CFAP92: variants seen among roughly 807,000 people sequenced by gnomAD.
CFAP92 encodes cilia and flagella associated protein 92 (putative).
CFAP92 carries 86 observed loss-of-function variants against 106.3 expected under a neutral mutation model. The ratio of observed to expected loss-of-function variants is 0.81; its 90% confidence interval spans 0.68 to 0.97. The LOEUF (loss-of-function observed/expected upper bound fraction) is 0.97, where lower values mean the gene tolerates loss of function less well. Among genes scored for constraint, CFAP92 ranks in the 50% least tolerant of loss-of-function variants. The pLI is 0.00. For synonymous variants in CFAP92, 477 were observed against 506.4 expected (o/e 0.94, Z 0.78); for missense variants, 1,204 against 1,283.8 (o/e 0.94, Z 0.95).
intron 8 of CFAP92, chr3:128,968,188 G>A (rs1942523890): frequency 6.6e-6 from 1 of 152,216 alleles, no homozygotes; most frequent in Non-Finnish European, 1.5e-5. Context: ...AGGTCTCTTA[G>A]AAAATACGTT....
upstream of CFAP92, among the ~76,000 whole-genome samples, chr3:129,004,918 C>A (rs945568497): frequency 1.3e-5 from 2 of 152,178 alleles, no homozygotes. Flanking sequence ...CCACCCCTCA[C>A]AGACCCTGCT....
intron 10 of CFAP92, among the ~76,000 whole-genome samples, chr3:128,942,752 G>A (rs1939772237): frequency 6.7e-6 from 1 of 149,434 alleles, no homozygotes; most frequent in Admixed American, 6.7e-5. Flanking sequence ...TCGGCTCACT[G>A]CAACCTCCGC....
rs553356751 is a variant in CFAP92, at chr3:128,945,612, G to A, written c.1717C>T (p.Leu573Phe). 4.2e-5 allele frequency: 65 copies of A among 1,536,118 alleles called. No individual in the cohort carries two copies. The East Asian group carries it at 1.5e-3, about 36-fold the overall frequency. ...YGIAQVSFAD[L>F]LLGHKYLNLA... ...TTCAAGTACTTGTGGCCAAGGAGGA[G>A]GTCAGCAAAACTGACCTGGGCGATG... Residue 573 changes from leucine to phenylalanine, a missense_variant, in exon 10 of 16, where the codon CTC (leucine) becomes TTC (phenylalanine). Leu to Phe is a conservative substitution (Grantham distance 22). Coordinates refer to ENST00000645291, the MANE Select transcript of CFAP92 (RefSeq NM_001394090.1).
intron 7 of CFAP92, among the ~76,000 whole-genome samples, chr3:128,972,232 A>G (rs1282214298): frequency 6.6e-6 from 1 of 151,990 alleles, no homozygotes; most frequent in Non-Finnish European, 1.5e-5. Context: ...TGACATCTGG[A>G]TGAAGGATTT....
At chr3:129,001,766 C>A in intron 1 of CFAP92, 1 of 1,542,592 alleles carries the variant, frequency 6.5e-7, no homozygotes, top group Non-Finnish European at 8.7e-7. Context: ...GCGTGGAGAA[C>A]GAGATCGTGG....
chr3:129,004,420 C>T (rs1944975296), upstream of CFAP92, among the ~76,000 whole-genome samples: 1 of 134,452 alleles, frequency 7.4e-6, no homozygotes, highest in South Asian at 2.7e-4. Context: ...CTCACCCATT[C>T]ATCCATCCAC....
At chr3:128,968,330 C>T (rs1480104678) in intron 8 of CFAP92, 2 of 152,146 alleles carry the variant, frequency 1.3e-5, no homozygotes, top group South Asian at 2.1e-4. Flanking sequence ...TACTAGCCAA[C>T]CAATATTTAC....
intron 10 of CFAP92, among the ~76,000 whole-genome samples, chr3:128,935,839 T>C (rs947142597): frequency 2.0e-5 from 3 of 152,058 alleles, no homozygotes; most frequent in Non-Finnish European, 4.4e-5. Flanking sequence ...AAGACAAGGT[T>C]GGTAATGAAG....
At chr3:128,953,773 G>C (rs1302989965) in intron 9 of CFAP92, among the ~76,000 whole-genome samples, 1 of 120,992 alleles carries the variant, frequency 8.3e-6, no homozygotes. Flanking sequence ...GCGCCACCAC[G>C]CCTGACTGGT....
At chr3:128,973,086 A>C (rs1942917970) in intron 7 of CFAP92, among the ~76,000 whole-genome samples, 2 of 152,184 alleles carry the variant, frequency 1.3e-5, no homozygotes, top group Non-Finnish European at 2.9e-5. Context: ...AATCAAGTCA[A>C]ACGATAAGTT....
chr3:128,910,768 G>T (rs1265036797), intron 15 of CFAP92: 3 of 1,614,078 alleles, frequency 1.9e-6, no homozygotes, highest in Non-Finnish European at 1.7e-6. Flanking sequence ...CTTCTGCGTG[G>T]AAGCTTACTT....
At chr3:129,016,442 A>C in the CFAP92 span, among the ~76,000 whole-genome samples, 1 of 151,960 alleles carries the variant, frequency 6.6e-6, no homozygotes, top group African/African-American at 2.4e-5. Context: ...GGGCTGGCTA[A>C]GCAAGCCTGA....
chr3:128,939,880 T>C (rs1437148207), intron 10 of CFAP92, among the ~76,000 whole-genome samples: 2 of 152,188 alleles, frequency 1.3e-5, no homozygotes, highest in Non-Finnish European at 2.9e-5. Context: ...CCACTGCTGA[T>C]CTGACAGGTG....
Position 128,977,018 on chromosome 3 carries a change from T to C in CFAP92, c.857A>G (p.Tyr286Cys). Residue 286 changes from tyrosine (Y) to cysteine (C), a missense_variant, in exon 6 of 16, where the codon TAT becomes TGT. By Grantham distance (194) the Tyr-to-Cys change is radical. Coordinates refer to ENST00000645291, the MANE Select transcript of CFAP92 (RefSeq NM_001394090.1). ...PETSSKNSEE[Y>C]EKSLKMDDSS... is the part of the protein sequence containing the mutation. The stretch of plus-strand genomic sequence containing the variant: ...ATCGTCCATTTTGAGGGACTTCTCA[T>C]ATTCCTCACTGTTCTTGGAAGAAGT... 1.9e-6 allele frequency: 3 copies of C among 1,613,970 alleles called. No homozygotes were observed. The highest frequency in any genetic ancestry group is 1.1e-5 in the South Asian group (1 of 91,090).
chr3:128,931,317 A>T (rs1938336743), intron 12 of CFAP92, among the ~76,000 whole-genome samples: 1 of 151,610 alleles, frequency 6.6e-6, no homozygotes, highest in African/African-American at 2.4e-5. Flanking sequence ...CTGGGACTAC[A>T]AGTACATGCC....
chr3:128,977,097 T>C (rs1320589700), intron 5 of CFAP92, 31 bp from the exon 6 acceptor site: 1 of 1,573,932 alleles, frequency 6.4e-7, no homozygotes, highest in African/African-American at 1.4e-5. Flanking sequence ...TTCCAAGCTT[T>C]TTGTTACATG....
At chr3:128,934,238 G>A (rs1268205864) in intron 11 of CFAP92, among the ~76,000 whole-genome samples, 3 of 152,234 alleles carry the variant, frequency 2.0e-5, no homozygotes, top group Non-Finnish European at 2.9e-5. Context: ...TGCTCAATGA[G>A]GGAATGGTGA....
At chr3:128,941,238 T>G (rs1028093274) in intron 10 of CFAP92, among the ~76,000 whole-genome samples, 7 of 152,296 alleles carry the variant, frequency 4.6e-5, no homozygotes, top group Middle Eastern at 3.4e-3. Context: ...TTGATAGATT[T>G]TTATACTAAT....
chr3:128,989,581 A>T (rs1239942128), intron 2 of CFAP92, among the ~76,000 whole-genome samples: 2 of 152,180 alleles, frequency 1.3e-5, no homozygotes, highest in Non-Finnish European at 2.9e-5. Flanking sequence ...CCAGAGCCCA[A>T]GGAGCCCCCT....
Sources: gnomAD v4.1 joint callset for allele counts (sites outside exome capture counted in the v4.1 genomes callset) on GRCh38, gnomAD v4.1.1 for gene constraint, MANE v1.5 for transcripts, NCBI Gene and HGNC (gene_info 2026-07-23, HGNC 2026-07-21) for gene names.